ZZEF1: variants seen among roughly 807,000 people sequenced by gnomAD.
ZZEF1 encodes zinc finger ZZ-type and EF-hand domain-containing protein 1.
In ZZEF1, 157 loss-of-function variants were observed where a neutral mutation model predicts 342.8. The ratio of observed to expected loss-of-function variants is 0.46; its 90% CI spans 0.40 to 0.52. The LOEUF (loss-of-function observed/expected upper bound fraction) is 0.52, where lower values mean the gene tolerates loss of function less well. Among genes scored for constraint, ZZEF1 ranks in the 20% least tolerant of loss-of-function variants. The pLI is 0.00. For synonymous variants in ZZEF1, 1,505 were observed against 1,429.1 expected (o/e 1.05, Z -1.20); for missense variants, 3,480 against 3,725.6 (o/e 0.93, Z 1.72).
At chr17:4,009,028 A>AC in intron 53 of ZZEF1, 74 bp from the exon 54 acceptor site, 6 of 1,501,960 alleles carry the variant, frequency 4.0e-6, no homozygotes, top group Non-Finnish European at 5.4e-6. Context: ...CACCTGGGAC[A>AC]CCTGCTTGCG....
At chr17:4,011,916 C>T (rs1448721105) in intron 52 of ZZEF1, among the ~76,000 whole-genome samples, 4 of 152,192 alleles carry the variant, frequency 2.6e-5, no homozygotes, top group African/African-American at 9.7e-5. Context: ...AGGACTGCCC[C>T]TTGTGTGTGG....
chr17:4,055,085 A>C (rs2057128688), intron 33 of ZZEF1, among the ~76,000 whole-genome samples: 1 of 152,214 alleles, frequency 6.6e-6, no homozygotes, highest in African/African-American at 2.4e-5. Context: ...CTGCAGGGAT[A>C]GTCTGGGTAC....
chr17:4,019,658 A>G lies in ZZEF1; in HGVS notation c.7505+11T>C, dbSNP rs1339376191. 2 of 1,608,404 alleles carry G rather than the reference A, an allele frequency of 1.2e-6. No homozygotes were observed. Among genetic ancestry groups the G allele is most frequent in the South Asian group, 2.2e-5 (2 of 90,440 alleles). ...CTGGCCACACTTCAGCTGCACGGAA[A>G]TGTCCCTTACCTCTTCTGAACCTCC... On this transcript the variant is annotated intron_variant, in intron 46 of 54. Transcript: ENST00000381638.
chr17:4,010,717 T>A (rs1455383582), intron 52 of ZZEF1, among the ~76,000 whole-genome samples: 4 of 3,210 alleles, frequency 1.2e-3, no homozygotes, highest in African/African-American at 3.3e-3. Context: ...AGTGTGAGAT[T>A]CCGTCTCAAA....
Position 4,044,168 on chromosome 17 carries a change from G to A in ZZEF1, c.6166+56C>T. ...GTGTGCCACAAACAGCTCAGGGATG[G>A]GTATATGTGCATTTTAAGATGAAAG... On this transcript the variant is annotated intron_variant, in intron 38 of 54. Coordinates refer to ENST00000381638, the MANE Select transcript of ZZEF1 (RefSeq NM_015113.4). The A allele has an allele frequency of 3.8e-6, 6 of 1,585,194 alleles. No individual in the cohort carries two copies. In the East Asian group the frequency reaches 1.3e-4, roughly 35 times the overall value.
intron 15 of ZZEF1, among the ~76,000 whole-genome samples, 179 bp from the exon 16 acceptor site, chr17:4,085,982 AAAAC>A (rs1442273187): frequency 6.6e-6 from 1 of 152,220 alleles, no homozygotes; most frequent in Admixed American, 6.5e-5. Flanking sequence ...TCATTTAACT[AAAAC>A]AAAGACCGTA....
chr17:4,084,118 C>G (rs2057776364), intron 16 of ZZEF1, among the ~76,000 whole-genome samples: 1 of 152,312 alleles, frequency 6.6e-6, no homozygotes, highest in African/African-American at 2.4e-5. Context: ...TCTTATTCCG[C>G]ATTTTGAGAG....
intron 1 of ZZEF1, among the ~76,000 whole-genome samples, chr17:4,132,959 C>G (rs1053682819): frequency 4.0e-5 from 6 of 149,000 alleles, no homozygotes; most frequent in Admixed American, 1.3e-4. Flanking sequence ...GAGCGAGACT[C>G]CATCTCAAAA....
chr17:4,065,156 C>T (rs950444197), intron 28 of ZZEF1, among the ~76,000 whole-genome samples: 2 of 152,150 alleles, frequency 1.3e-5, no homozygotes, highest in South Asian at 4.1e-4. Flanking sequence ...GTAATCCCAG[C>T]ACTTTGGGAG....
At chr17:4,136,135 C>T (rs1191189955) in intron 1 of ZZEF1, among the ~76,000 whole-genome samples, 2 of 149,350 alleles carry the variant, frequency 1.3e-5, no homozygotes, top group East Asian at 2.0e-4. Flanking sequence ...GAACTACAGG[C>T]GCGCTTCACC....
At position 4,076,676 on chromosome 17, in the gene ZZEF1, CAGG is replaced by C; in HGVS notation, c.3192_3194del (p.Leu1065del). 6.2e-7 allele frequency: 1 copy of C among 1,613,200 alleles called. No homozygotes were observed. The highest frequency in any genetic ancestry group is 8.5e-7 in the Non-Finnish European group (1 of 1,179,326). The stretch of plus-strand genomic sequence containing the variant: ...CTTCGGGGCCACTACAGAGCTTCTT[CAGG>C]AGTTCTGTGAGGACGCTGAACTCTC... On this transcript the variant is annotated inframe_deletion, in exon 21 of 55. Transcript: ENST00000381638.
chr17:4,066,770 A>C (rs542614196), intron 27 of ZZEF1, among the ~76,000 whole-genome samples: 1 of 152,284 alleles, frequency 6.6e-6, no homozygotes, highest in South Asian at 2.1e-4. Flanking sequence ...GAAGAAGCTG[A>C]GATCTAGAGA....
At chr17:4,018,375 T>A (rs577959615) in intron 46 of ZZEF1, among the ~76,000 whole-genome samples, 5 of 152,236 alleles carry the variant, frequency 3.3e-5, no homozygotes, top group Non-Finnish European at 5.9e-5. Context: ...TCAGCCTCCC[T>A]AGTAGCTGCG....
intron 45 of ZZEF1, 89 bp from the exon 46 acceptor site, chr17:4,019,858 A>G (rs2144974598): frequency 1.0e-6 from 1 of 973,712 alleles, no homozygotes; most frequent in South Asian, 1.7e-5. Context: ...AGAAGACAAT[A>G]TAGCAAAAGC....
chr17:4,033,802 G>C (rs973164323), intron 40 of ZZEF1: 2 of 610,436 alleles, frequency 3.3e-6, no homozygotes, highest in South Asian at 4.2e-5. Context: ...AGCCAGTGTC[G>C]AGACTGCTCA....
intron 26 of ZZEF1, among the ~76,000 whole-genome samples, chr17:4,068,943 TAATATCTATATC>T (rs1269039290): frequency 1.3e-5 from 2 of 152,216 alleles, no homozygotes; most frequent in African/African-American, 4.8e-5. Context: ...CTTAGACATA[TAATATCTATATC>T]AATATCTATA....
chr17:4,013,392 C>T, intron 52 of ZZEF1, 57 bp downstream of exon 52: 2 of 1,463,388 alleles, frequency 1.4e-6, no homozygotes, highest in Non-Finnish European at 9.1e-7. Context: ...AAAGGGCCAG[C>T]CACAGAGTGG....
At chr17:4,052,193 G>A in intron 34 of ZZEF1, 57 bp from the exon 35 acceptor site, 2 of 1,505,792 alleles carry the variant, frequency 1.3e-6, no homozygotes, top group Non-Finnish European at 1.8e-6. Context: ...AGATGGGCTA[G>A]TTTCCAAACC....
intron 23 of ZZEF1, 44 bp downstream of exon 23, chr17:4,075,053 C>A: frequency 6.3e-7 from 1 of 1,596,202 alleles, no homozygotes; most frequent in Non-Finnish European, 8.6e-7. Flanking sequence ...AAAGGAAAAG[C>A]ATTGGTGCAG....
Sources: gnomAD v4.1 joint callset for allele counts (sites outside exome capture counted in the v4.1 genomes callset) on GRCh38, gnomAD v4.1.1 for gene constraint, MANE v1.5 for transcripts, NCBI Gene and HGNC (gene_info 2026-07-23, HGNC 2026-07-21) for gene names.